Variants in GIT2 observed in about 807,000 individuals in gnomAD.
The protein encoded by GIT2 is ARF GTPase-activating protein GIT2.
Under a neutral mutation model 100.3 loss-of-function variants are expected in GIT2, and 32 were observed. The ratio of observed to expected loss-of-function variants is 0.32; its 90% confidence interval spans 0.24 to 0.43. The LOEUF is 0.43. Ranked by LOEUF, GIT2 falls within the 20% of genes least tolerant of loss-of-function variation. The probability of loss-of-function intolerance (pLI) is 1.00; values close to 1 mark genes in which losing one functional copy is unlikely to be tolerated. For missense variants in GIT2, 737 were observed against 975.1 expected (o/e 0.76, Z 3.25); for synonymous variants, 353 against 364.1 (o/e 0.97, Z 0.35).
chr12:109,945,720 T>C (rs914781873), intron 15 of GIT2, among the ~76,000 whole-genome samples: 1 of 152,248 alleles, frequency 6.6e-6, no homozygotes, highest in African/African-American at 2.4e-5. Context: ...TAATTTTTAG[T>C]ACAATTACAG....
At chr12:109,992,882 G>T (rs1375943536) in intron 1 of GIT2, among the ~76,000 whole-genome samples, 1 of 151,872 alleles carries the variant, frequency 6.6e-6, no homozygotes, top group African/African-American at 2.4e-5. Flanking sequence ...ATGTTGGCCA[G>T]ACTGGTCTCA....
At chr12:109,980,879 AAT>A in intron 7 of GIT2, 71 bp downstream of exon 7, 1 of 897,858 alleles carries the variant, frequency 1.1e-6, no homozygotes, top group Admixed American at 1.7e-5. Context: ...GGTAATAACA[AAT>A]AGTGTCCCAA....
chr12:109,970,788 A>AATT (rs894825200), intron 7 of GIT2, among the ~76,000 whole-genome samples: 1 of 152,074 alleles, frequency 6.6e-6, no homozygotes, highest in East Asian at 1.9e-4. Context: ...TGAATTTTTA[A>AATT]ATTATTATTA....
intron 8 of GIT2, 68 bp from the exon 9 acceptor site, chr12:109,965,645 G>A: frequency 1.0e-6 from 1 of 972,444 alleles, no homozygotes. Context: ...TAAAGTTTAA[G>A]ACACCCAAGA....
chr12:109,963,379 T>C (rs1440059653), intron 9 of GIT2, among the ~76,000 whole-genome samples: 1 of 152,232 alleles, frequency 6.6e-6, no homozygotes, highest in Admixed American at 6.5e-5. Context: ...TACAAGCTAA[T>C]GTTATTATTA....
intron 10 of GIT2, 105 bp downstream of exon 10, chr12:109,961,508 G>T: frequency 1.1e-6 from 1 of 931,248 alleles, no homozygotes; most frequent in Non-Finnish European, 1.8e-6. Flanking sequence ...GTCGACACTC[G>T]CACCATCAGG....
rs544371063 is a variant in GIT2 at position 109,934,339 on chromosome 12, C to T, written c.2004-254G>A. On this transcript the variant is annotated intron_variant, in intron 18 of 19. Transcript: ENST00000355312. This position sits in a 1 kb window ranked among gnomAD's most constrained non-coding sequence, Gnocchi z 4.5. ...ATACACTCTTGGTCAGGTGAGGCCA[C>T]ACAACAGTACAGAAACATAATTCAC... is the stretch of plus-strand genomic sequence containing the variant. Among the ~76,000 whole-genome samples, 2 of 152,322 alleles carry T rather than the reference C, an allele frequency of 1.3e-5. No homozygotes were observed. The highest frequency in any genetic ancestry group is 3.9e-4 in the East Asian group (2 of 5,182).
chr12:109,935,265 G>T (rs1872663619), intron 18 of GIT2, among the ~76,000 whole-genome samples: 1 of 152,154 alleles, frequency 6.6e-6, no homozygotes. Context: ...ATATGAAGGG[G>T]CAACAACCTA....
intron 7 of GIT2, 156 bp downstream of exon 7, chr12:109,980,796 A>C: frequency 1.6e-6 from 1 of 632,954 alleles, no homozygotes; most frequent in Non-Finnish European, 2.8e-6. Flanking sequence ...CATGTAACTG[A>C]CAATTCTGTA....
At chr12:109,996,804 G>A (rs954520955), upstream of GIT2, among the ~76,000 whole-genome samples, 1 of 152,196 alleles carries the variant, frequency 6.6e-6, no homozygotes, top group Non-Finnish European at 1.5e-5. Flanking sequence ...CAGGCTGGGC[G>A]TGGTGGCTCA....
At chr12:109,963,264 A>G (rs1881512511) in intron 9 of GIT2, among the ~76,000 whole-genome samples, 1 of 152,212 alleles carries the variant, frequency 6.6e-6, no homozygotes, top group Non-Finnish European at 1.5e-5. Flanking sequence ...ATGTGGTCGC[A>G]CTATAATTAA....
chr12:109,990,655 A>C (rs1452637777), intron 2 of GIT2, among the ~76,000 whole-genome samples: 2 of 152,258 alleles, frequency 1.3e-5, no homozygotes, highest in Non-Finnish European at 2.9e-5. Flanking sequence ...TGTGTAATCA[A>C]GACAAATGAA....
At position 109,933,791 on chromosome 12, in the gene GIT2, G is replaced by A; in HGVS notation, c.2067+231C>T. On this transcript the variant is annotated intron_variant, in intron 19 of 19. Transcript: ENST00000355312. The surrounding 1 kb of genome is among the most constrained non-coding windows in gnomAD (Gnocchi z 4.5). Reference sequence around the variant, plus strand: ...TAATTTTGTATTTTTAGTAGAGACAGGGTCTCTCCATGTTGGTCAGGCTGG... The same window carrying A: ...TAATTTTGTATTTTTAGTAGAGACAAGGTCTCTCCATGTTGGTCAGGCTGG... 2.1e-6 allele frequency: 1 copy of A among 466,630 alleles called. No individual in the cohort carries two copies. Among genetic ancestry groups the A allele is most frequent in the Admixed American group, 3.4e-5 (1 of 29,262 alleles). 28.9% of individuals were successfully genotyped at this position (466,630 alleles called of 1,614,324 possible).
At chr12:109,973,459 A>T (rs1358986460) in intron 7 of GIT2, among the ~76,000 whole-genome samples, 1 of 151,574 alleles carries the variant, frequency 6.6e-6, no homozygotes, top group African/African-American at 2.4e-5. Context: ...ATTTTTTTTT[A>T]ATTATCCTTC....
intron 4 of GIT2, among the ~76,000 whole-genome samples, chr12:109,985,241 T>G (rs1412974055): frequency 1.3e-5 from 2 of 152,148 alleles, no homozygotes; most frequent in Non-Finnish European, 2.9e-5. Context: ...TAGCTAGTAT[T>G]ACAGGGATGT....
intron 16 of GIT2, among the ~76,000 whole-genome samples, chr12:109,942,613 C>T (rs1007218233): frequency 2.0e-5 from 3 of 152,198 alleles, no homozygotes; most frequent in South Asian, 4.1e-4. Flanking sequence ...GGATTAGAGG[C>T]GTGAGCCACC....
At chr12:109,999,928 A>T, upstream of GIT2, 2 of 602,474 alleles carry the variant, frequency 3.3e-6, no homozygotes, top group Non-Finnish European at 5.3e-6. The surrounding 1 kb of genome is among the most constrained non-coding windows in gnomAD (Gnocchi z 4.3). Context: ...AGTCCTAATA[A>T]TAGGACACGT....
chr12:109,981,312 G>A (rs1886277778), intron 6 of GIT2: 1 of 346,594 alleles, frequency 2.9e-6, no homozygotes, highest in Non-Finnish European at 5.3e-6. Context: ...TGAGAGGGAA[G>A]GATACAGAAT....
chr12:109,966,568 T>C (rs967245810), intron 8 of GIT2, among the ~76,000 whole-genome samples: 5 of 145,084 alleles, frequency 3.4e-5, no homozygotes, highest in Non-Finnish European at 6.0e-5. Flanking sequence ...TAGTTGCTCA[T>C]AGGGAGGCCA....
Sources: allele counts gnomAD v4.1 joint callset (sites outside exome capture counted in the v4.1 genomes callset), GRCh38; gene constraint gnomAD v4.1.1; non-coding constraint Gnocchi (gnomAD v3.1); transcripts MANE v1.5; gene names NCBI Gene and HGNC (gene_info 2026-07-23, HGNC 2026-07-21).